The following RNF13 variants were observed in gnomAD, a reference collection of about 807,000 sequenced individuals.
RNF13 encodes the protein ring finger protein 13.
In RNF13, 19 loss-of-function variants were observed where a neutral mutation model predicts 37.7. The ratio of observed to expected loss-of-function variants is 0.50; its 90% CI spans 0.35 to 0.74. The LOEUF is 0.74. RNF13 is among the 30% of genes least tolerant of loss of function. The pLI is 0.01. For missense variants in RNF13, 375 were observed against 453.0 expected, an observed-to-expected ratio of 0.83 and a Z score of 1.56; for synonymous variants, 144 against 157.8, an observed-to-expected ratio of 0.91 and a Z score of 0.65.
chr3:149,955,398 G>A (rs1248170465), intron 8 of RNF13, among the ~76,000 whole-genome samples: 1 of 151,820 alleles, frequency 6.6e-6, no homozygotes, highest in African/African-American at 2.4e-5. Flanking sequence ...CCAGGGCTTG[G>A]AAATAATCAG....
intron 5 of RNF13, among the ~76,000 whole-genome samples, chr3:149,897,641 G>A (rs777589711): frequency 5.9e-5 from 9 of 152,170 alleles, no homozygotes; most frequent in Non-Finnish European, 7.4e-5. Context: ...CCATCTTTGC[G>A]CATGTGTTTA....
chr3:149,854,232 T>A (rs1246321137), intron 3 of RNF13, among the ~76,000 whole-genome samples: 1 of 151,918 alleles, frequency 6.6e-6, no homozygotes, highest in Non-Finnish European at 1.5e-5. Flanking sequence ...TAAAAAAAAA[T>A]TCATAGCATT....
chr3:149,934,711 A>G (rs1701218876), intron 8 of RNF13, among the ~76,000 whole-genome samples: 1 of 150,572 alleles, frequency 6.6e-6, no homozygotes, highest in African/African-American at 2.4e-5. Flanking sequence ...GCTGGAGTGC[A>G]GTTGCACAAT....
intron 3 of RNF13, among the ~76,000 whole-genome samples, chr3:149,867,843 A>G (rs1331416642): frequency 6.6e-6 from 1 of 150,902 alleles, no homozygotes; most frequent in African/African-American, 2.4e-5. Context: ...TTGTATTGTA[A>G]TTTTTCTCTT....
Position 149,960,945 on chromosome 3 carries a change from C to T in RNF13, c.987C>T (p.Ser329=). The T allele has an allele frequency of 1.9e-6, 3 of 1,614,142 alleles. No individual in the cohort carries two copies. In the South Asian group the frequency reaches 3.3e-5, roughly 18 times the overall value. ...AGTCATTTGGGGCTTTATCGGAATC[C>T]CGCTCACATCAGAACATGACAGAAT... The part of the protein sequence containing the change: ...SAQSFGALSE[S]RSHQNMTESS... Residue 329 remains serine (S), a synonymous_variant, in exon 10 of 10, where the codon TCC becomes TCT. Transcript: ENST00000392894.
intron 8 of RNF13, among the ~76,000 whole-genome samples, chr3:149,950,866 G>A (rs1441098849): frequency 6.6e-6 from 1 of 152,136 alleles, no homozygotes; most frequent in Non-Finnish European, 1.5e-5. Context: ...GGGACAAGAT[G>A]GCTGGCGGGA....
intron 6 of RNF13, among the ~76,000 whole-genome samples, chr3:149,905,419 T>G (rs969307977): frequency 6.6e-6 from 1 of 152,158 alleles, no homozygotes; most frequent in African/African-American, 2.4e-5. Flanking sequence ...GCCAGTTTTT[T>G]GTATTAGATT....
chr3:149,838,739 C>T (rs2108358039), intron 1 of RNF13, among the ~76,000 whole-genome samples: 1 of 152,230 alleles, frequency 6.6e-6, no homozygotes, highest in South Asian at 2.1e-4. Flanking sequence ...TCTGACATGC[C>T]CTGGAGACAT....
Position 149,911,993 on chromosome 3 carries a change from A to G in RNF13, c.516A>G (p.Leu172=), listed in dbSNP as rs2108518514. The change falls in exon 7 of 10, where the codon TTA becomes TTG. Residue 172 remains leucine, a synonymous_variant. Coordinates refer to ENST00000392894, the MANE Select transcript of RNF13 (RefSeq NM_183381.3). ...TTTCTTCTAGGGGCCACCTTATCTT[A>G]GTTCCAGAATTTAGTCTTCCTTTGG... ...FTYEKGGHLI[L]VPEFSLPLEY... 4.4e-6 allele frequency: 7 copies of G among 1,574,492 alleles called. No homozygotes were observed. Among genetic ancestry groups the G allele is most frequent in the Non-Finnish European group, 6.1e-6 (7 of 1,145,354 alleles).
chr3:149,848,730 GT>G (rs367637233), intron 2 of RNF13, among the ~76,000 whole-genome samples: 2,736 of 151,738 alleles, frequency 0.018, 94 homozygotes, highest in African/African-American at 0.062. Context: ...TTTGTTTTGT[GT>G]TTTTTTTGTT....
intron 8 of RNF13, among the ~76,000 whole-genome samples, chr3:149,940,182 G>A (rs1004299008): frequency 6.6e-6 from 1 of 151,898 alleles, no homozygotes; most frequent in Admixed American, 6.6e-5. Flanking sequence ...TTATTTATAT[G>A]TGTGTATGTA....
chr3:149,882,626 A>G (rs1257628325), intron 4 of RNF13, among the ~76,000 whole-genome samples: 2 of 152,162 alleles, frequency 1.3e-5, no homozygotes, highest in African/African-American at 4.8e-5. Context: ...TAATACTCTG[A>G]AACATGAATT....
rs577716516 is a variant in RNF13, at chr3:149,880,330, TA to T, written c.321+8182del. 4.8e-3 allele frequency among the ~76,000 whole-genome samples: 727 copies of T among 152,296 alleles called. 2 individuals carry two copies. Among genetic ancestry groups the T allele is most frequent in the African/African-American group, 0.017 (701 of 41,562 alleles). On this transcript the variant is annotated intron_variant, in intron 4 of 9. Transcript: ENST00000392894. Reference sequence around the variant, plus strand: ...TTGGAATATGAATCCTATCAGTGTCTAAAAAATATGAACTTAGATCAGATCC... The same window carrying T: ...TTGGAATATGAATCCTATCAGTGTCTAAAAATATGAACTTAGATCAGATCC...
chr3:149,836,153 ATTTCT>A (rs1462569122), intron 1 of RNF13, among the ~76,000 whole-genome samples: 2 of 152,062 alleles, frequency 1.3e-5, no homozygotes, highest in Non-Finnish European at 2.9e-5. Flanking sequence ...GATGTTGAGC[ATTTCT>A]TATTTTGTTT....
intron 1 of RNF13, among the ~76,000 whole-genome samples, chr3:149,824,105 A>T (rs1056035245): frequency 2.0e-5 from 3 of 152,214 alleles, no homozygotes; most frequent in African/African-American, 7.2e-5. Context: ...TGGCCAAACA[A>T]TTGGACATCA....
At chr3:149,898,834 G>A (rs1413555096) in intron 5 of RNF13, among the ~76,000 whole-genome samples, 5 of 152,154 alleles carry the variant, frequency 3.3e-5, no homozygotes, top group African/African-American at 1.2e-4. Context: ...GATATAGAAT[G>A]ACAGAGATGA....
intron 3 of RNF13, among the ~76,000 whole-genome samples, chr3:149,867,361 G>A (rs756736466): frequency 6.6e-6 from 1 of 151,712 alleles, no homozygotes; most frequent in South Asian, 2.1e-4. Flanking sequence ...CGCCTCCCGG[G>A]TTCACACCAT....
chr3:149,815,171 G>A (rs769685400), intron 1 of RNF13, among the ~76,000 whole-genome samples: 10 of 152,136 alleles, frequency 6.6e-5, no homozygotes, highest in Non-Finnish European at 1.0e-4. Flanking sequence ...CCAGAATAAC[G>A]TAGATTTATC....
At chr3:149,827,353 G>A (rs146382437) in intron 1 of RNF13, among the ~76,000 whole-genome samples, 146 of 152,126 alleles carry the variant, frequency 9.6e-4, no homozygotes, top group African/African-American at 3.2e-3. Context: ...TAGTATGAGC[G>A]GGCAGTCCTG....
Sources: allele counts gnomAD v4.1 joint callset (sites outside exome capture counted in the v4.1 genomes callset), GRCh38; gene constraint gnomAD v4.1.1; transcripts MANE v1.5; gene names NCBI Gene and HGNC (gene_info 2026-07-23, HGNC 2026-07-21).